The following MS4A13 variants were observed in gnomAD, a reference collection of about 807,000 sequenced individuals.
The protein encoded by MS4A13 is membrane spanning 4-domains A13.
A neutral mutation model predicts 18.4 loss-of-function variants in MS4A13; 21 were observed. That is an observed-to-expected ratio of 1.14 (90% CI 0.81 to 1.64). The LOEUF (loss-of-function observed/expected upper bound fraction) is 1.64. Ranked by LOEUF, MS4A13 falls within the 40% of genes most tolerant of loss-of-function variation. The probability of loss-of-function intolerance (pLI) is 0.00; values close to 1 mark genes in which losing one functional copy is unlikely to be tolerated. For missense variants in MS4A13, 173 were observed against 176.8 expected (o/e 0.98, Z 0.12); for synonymous variants, 62 against 57.2 (o/e 1.08, Z -0.38).
rs544534463 is a variant in MS4A13, at chr11:60,519,935, A to G, written c.129+1723A>G. Reference sequence around the variant, plus strand: ...ATAGCAGGTGATGATCAGGTGGAATACTTGAAATTAAGATTTGAAAGGTAC... The same window carrying G: ...ATAGCAGGTGATGATCAGGTGGAATGCTTGAAATTAAGATTTGAAAGGTAC... On this transcript the variant is annotated intron_variant, in intron 3 of 6. Transcript: ENST00000378186. 6.6e-5 allele frequency among the ~76,000 whole-genome samples: 10 copies of G among 152,336 alleles called. No homozygotes were observed. In the South Asian group the frequency reaches 2.1e-3, roughly 32 times the overall value.
Position 60,518,177 on chromosome 11 carries a change from A to G in MS4A13, c.94A>G (p.Thr32Ala). The G allele has an allele frequency of 3.1e-6, 5 of 1,611,832 alleles. No homozygotes were observed. The highest frequency in any genetic ancestry group is 4.2e-6 in the Non-Finnish European group (5 of 1,178,580). The change falls in exon 3 of 7, where the codon ACT becomes GCT. Residue 32 changes from threonine (T) to alanine (A), a missense_variant. Thr to Ala is a moderately conservative substitution (Grantham distance 58, BLOSUM62 0). Transcript: ENST00000378186. ...KGAFGTYEPV[T>A]YKTGCTLWGI... ...AGCCTTTGGAACGTATGAACCTGTAACTTACAAAACAGGATGTACTTTATG... is the reference window on the plus strand; with the variant it reads ...AGCCTTTGGAACGTATGAACCTGTAGCTTACAAAACAGGATGTACTTTATG...
chr11:60,526,822 GT>G (rs2086716524), intron 5 of MS4A13, among the ~76,000 whole-genome samples: 5 of 152,180 alleles, frequency 3.3e-5, no homozygotes, highest in Non-Finnish European at 5.9e-5. Context: ...TAGCAAAATG[GT>G]TAATAGTATA....
At chr11:60,524,572 T>TC (rs879524185) in intron 4 of MS4A13, among the ~76,000 whole-genome samples, 26 of 152,024 alleles carry the variant, frequency 1.7e-4, no homozygotes, top group Non-Finnish European at 3.4e-4. Context: ...TTTTCCACTT[T>TC]TTTTTTTTTC....
At chr11:60,522,533 G>T (rs1011343929) in intron 3 of MS4A13, among the ~76,000 whole-genome samples, 8 of 152,070 alleles carry the variant, frequency 5.3e-5, no homozygotes, top group Non-Finnish European at 8.8e-5. Context: ...AGGGCTGTAG[G>T]ATACAATATG....
rs573181876 is a variant in MS4A13, at chr11:60,518,743, G to A, written c.129+531G>A. On this transcript the variant is annotated intron_variant, in intron 3 of 6. Transcript: ENST00000378186. ...TTTTGTCAAATAAAATGAGGACTAC[G>A]AATTGACCATTGGATTTAGCAATAT... Among the ~76,000 whole-genome samples the A allele has an allele frequency of 8.4e-4, 128 of 152,280 alleles. 1 individual carries two copies. Among genetic ancestry groups the A allele is most frequent in the Middle Eastern group, 3.4e-3 (1 of 294 alleles).
At chr11:60,520,913 G>A (rs529421982) in intron 3 of MS4A13, among the ~76,000 whole-genome samples, 3 of 152,342 alleles carry the variant, frequency 2.0e-5, no homozygotes, top group South Asian at 4.1e-4. Context: ...GCAAACTTCC[G>A]CTGGGCATCC....
rs1162980039 is a variant in MS4A13 at position 60,522,197 on chromosome 11, CAGAT to C, written c.130-1659_130-1656del. On this transcript the variant is annotated intron_variant, in intron 3 of 6. Coordinates refer to ENST00000378186, the MANE Select transcript of MS4A13 (RefSeq NM_001012417.3). ...AGCCAAACCATATCAAAAGATCAGA[CAGAT>C]AGATAGATAGATAGATAGATAGATA... Among the ~76,000 whole-genome samples, 1,280 of 129,886 alleles carry C rather than the reference CAGAT, an allele frequency of 9.9e-3. 24 individuals are homozygous for C. The highest frequency in any genetic ancestry group is 0.033 in the African/African-American group (1,180 of 35,882). The allele number at this position is 129,886 out of a possible 152,430, so 85.2% of individuals were successfully genotyped here. A position where few individuals can be genotyped will look rare whatever the true frequency, so the allele number is the denominator to read the frequency against.
rs569256018 is a variant in MS4A13 at position 60,527,470 on chromosome 11, T to A, written c.307-1895T>A. Reference sequence around the variant, plus strand: ...TTTCCGTTTCCTCAGTTTTCATATTTGAGCTGCTCTGGCCAACCTTTTGCC... The same window carrying A: ...TTTCCGTTTCCTCAGTTTTCATATTAGAGCTGCTCTGGCCAACCTTTTGCC... On this transcript the variant is annotated intron_variant, in intron 5 of 6. Transcript: ENST00000378186. Among the ~76,000 whole-genome samples the A allele has an allele frequency of 4.0e-5, 6 of 148,404 alleles. No individual in the cohort carries two copies. In the East Asian group the frequency reaches 1.2e-3, roughly 30 times the overall value.
intron 3 of MS4A13, among the ~76,000 whole-genome samples, chr11:60,519,062 G>T (rs1177421984): frequency 2.0e-5 from 3 of 152,132 alleles, no homozygotes; most frequent in Non-Finnish European, 4.4e-5. Flanking sequence ...AATGGGGGTG[G>T]GTATTGGGAT....
At chr11:60,529,255 C>CCT in intron 5 of MS4A13, 110 bp from the exon 6 acceptor site, 1 of 171,078 alleles carries the variant, frequency 5.8e-6, no homozygotes, top group South Asian at 9.6e-5. Flanking sequence ...ATTTTCCTTC[C>CCT]TTTTTTTTTT....
intron 3 of MS4A13, among the ~76,000 whole-genome samples, chr11:60,520,833 C>T (rs1479653477): frequency 6.6e-6 from 1 of 152,240 alleles, no homozygotes; most frequent in Non-Finnish European, 1.5e-5. Context: ...CTCTGTGTGG[C>T]AGCTCCGACC....
intron 2 of MS4A13, among the ~76,000 whole-genome samples, chr11:60,517,146 A>G (rs933336953): frequency 4.6e-5 from 7 of 152,052 alleles, no homozygotes; most frequent in African/African-American, 1.7e-4. Context: ...CTAAATCTAT[A>G]AAAATGCATG....
In MS4A13 at chr11:60,525,224, C is replaced by A. The variant is rs764615375; in HGVS notation, c.204C>A (p.Ile68=). 6.4e-7 allele frequency: 1 copy of A among 1,560,060 alleles called. No individual in the cohort carries two copies. Among genetic ancestry groups the A allele is most frequent in the South Asian group, 1.1e-5 (1 of 89,344 alleles). The change falls in exon 5 of 7, where the codon ATC becomes ATA. Residue 68 remains isoleucine (I), a synonymous_variant. Transcript: ENST00000378186. ...PTRSGIISTL[I]INIICIITTI... ...CTTTTCAGATTATAAGTACTTTAAT[C>A]ATAAACATCATCTGCATAATTACTA...
intron 3 of MS4A13, among the ~76,000 whole-genome samples, chr11:60,520,854 C>T (rs1258483310): frequency 6.6e-6 from 1 of 152,268 alleles, no homozygotes; most frequent in African/African-American, 2.4e-5. Flanking sequence ...CCACATTTCC[C>T]TTCTGCCCTG....
chr11:60,525,296 T>C lies in MS4A13; in HGVS notation c.276T>C (p.Asn92=), dbSNP rs765571856. ...TLTIIELSHF[N]SVSYRNYGQA... is the part of the protein sequence containing the mutation. Reference sequence around the variant, plus strand: ...CAATAATAGAGTTGTCTCATTTTAATTCTGTGTCATACAGGAATTATGGAC... The same window carrying C: ...CAATAATAGAGTTGTCTCATTTTAACTCTGTGTCATACAGGAATTATGGAC... The change falls in exon 5 of 7, where the codon AAT becomes AAC. Residue 92 remains asparagine, a synonymous_variant. Coordinates refer to ENST00000378186, the MANE Select transcript of MS4A13 (RefSeq NM_001012417.3). 1 of 1,591,576 alleles carries C rather than the reference T, an allele frequency of 6.3e-7. No individual in the cohort carries two copies. Among genetic ancestry groups the C allele is most frequent in the African/African-American group, 1.3e-5 (1 of 74,534 alleles).
intron 6 of MS4A13, among the ~76,000 whole-genome samples, chr11:60,541,528 C>A (rs1195544760): frequency 6.6e-6 from 1 of 152,020 alleles, no homozygotes; most frequent in African/African-American, 2.4e-5. Flanking sequence ...GTAAAAAAAT[C>A]CATTCATATG....
chr11:60,543,073 C>T (rs2086873633), downstream of MS4A13, among the ~76,000 whole-genome samples: 1 of 152,156 alleles, frequency 6.6e-6, no homozygotes, highest in Non-Finnish European at 1.5e-5. Flanking sequence ...CTTCTCTTCT[C>T]CTTATTTAAA....
intron 6 of MS4A13, among the ~76,000 whole-genome samples, chr11:60,541,628 T>C (rs559168576): frequency 5.3e-5 from 8 of 152,242 alleles, no homozygotes; most frequent in African/African-American, 1.9e-4. Flanking sequence ...TGACCTTATC[T>C]AAAAGTCAAA....
intron 3 of MS4A13, among the ~76,000 whole-genome samples, chr11:60,522,224 A>ATGTATATATATATATATCTATATATG (rs749798433): frequency 7.1e-6 from 1 of 140,324 alleles, no homozygotes; most frequent in Non-Finnish European, 1.5e-5. Flanking sequence ...AGATAGATAG[A>ATGTATATATATATATATCTATATATG]TAGATAGATA....
Sources: gnomAD v4.1 joint callset for allele counts (sites outside exome capture counted in the v4.1 genomes callset) on GRCh38, gnomAD v4.1.1 for gene constraint, MANE v1.5 for transcripts, NCBI Gene and HGNC (gene_info 2026-07-23, HGNC 2026-07-21) for gene names.